The following NCKAP5 variants were observed in gnomAD, a reference collection of about 807,000 sequenced individuals.
NCKAP5 encodes NCK associated protein 5.
A neutral mutation model predicts 167.0 loss-of-function variants in NCKAP5; 92 were observed. That is an observed-to-expected ratio of 0.55 (90% confidence interval 0.47 to 0.66). The LOEUF (loss-of-function observed/expected upper bound fraction) is 0.66. Among genes scored for constraint, NCKAP5 ranks in the 30% least tolerant of loss-of-function variants. NCKAP5 has a pLI of 0.00. For synonymous variants in NCKAP5, 891 were observed against 877.4 expected, an observed-to-expected ratio of 1.02 and a Z score of -0.27; for missense variants, 2,378 against 2,315.0, an observed-to-expected ratio of 1.03 and a Z score of -0.56.
chr2:133,172,206 A>G (rs574751036), intron 5 of NCKAP5, among the ~76,000 whole-genome samples: 7 of 152,240 alleles, frequency 4.6e-5, no homozygotes, highest in African/African-American at 1.7e-4. Context: ...ACAAAAGTAT[A>G]TGTTGATAAT....
chr2:132,981,699 T>C (rs1418785235), intron 7 of NCKAP5, among the ~76,000 whole-genome samples: 1 of 152,176 alleles, frequency 6.6e-6, no homozygotes, highest in African/African-American at 2.4e-5. Context: ...CTCCTTCCCC[T>C]TCGAATACTA....
chr2:132,709,898 T>C (rs1013077127), intron 19 of NCKAP5, among the ~76,000 whole-genome samples: 1 of 152,128 alleles, frequency 6.6e-6, no homozygotes, highest in Non-Finnish European at 1.5e-5. Context: ...ATAATGTCGC[T>C]GACACATTTC....
At chr2:132,950,769 C>T (rs1558980513) in intron 8 of NCKAP5, among the ~76,000 whole-genome samples, 1 of 152,132 alleles carries the variant, frequency 6.6e-6, no homozygotes, top group Non-Finnish European at 1.5e-5. Flanking sequence ...GAGTTACCTC[C>T]CCCAAGCTAC....
intron 3 of NCKAP5, among the ~76,000 whole-genome samples, chr2:133,495,527 C>T (rs751886835): frequency 4.6e-5 from 7 of 152,174 alleles, no homozygotes; most frequent in Non-Finnish European, 7.3e-5. Context: ...TTAGACTCAT[C>T]CAAGATTTGT....
intron 19 of NCKAP5, among the ~76,000 whole-genome samples, chr2:132,720,493 G>C (rs1483665090): frequency 6.6e-6 from 1 of 152,188 alleles, no homozygotes; most frequent in South Asian, 2.1e-4. Context: ...AAAGCAAGTG[G>C]GCCCCCAAAA....
intron 16 of NCKAP5, among the ~76,000 whole-genome samples, chr2:132,762,775 G>T (rs1416541235): frequency 6.6e-6 from 1 of 152,180 alleles, no homozygotes; most frequent in Non-Finnish European, 1.5e-5. Context: ...TTCTTTTAGG[G>T]TCTGGGGGTA....
At chr2:132,826,750 T>C (rs569177416) in intron 11 of NCKAP5, among the ~76,000 whole-genome samples, 1 of 152,204 alleles carries the variant, frequency 6.6e-6, no homozygotes, top group East Asian at 1.9e-4. Context: ...ATCAAGCAGT[T>C]TATAGATAGA....
chr2:133,591,784 A>G, the NCKAP5 span, among the ~76,000 whole-genome samples: 2 of 152,246 alleles, frequency 1.3e-5, no homozygotes. Flanking sequence ...TCACAGAAGC[A>G]GTCCCAGAAA....
intron 10 of NCKAP5, among the ~76,000 whole-genome samples, chr2:132,868,604 G>T (rs889375468): frequency 3.3e-5 from 5 of 152,084 alleles, no homozygotes; most frequent in African/African-American, 1.2e-4. Context: ...TCCAAAAGAA[G>T]ATACTCGTTT....
intron 3 of NCKAP5, among the ~76,000 whole-genome samples, chr2:133,405,081 T>C (rs1309128291): frequency 6.6e-6 from 1 of 152,240 alleles, no homozygotes; most frequent in Non-Finnish European, 1.5e-5. Context: ...ACAGTAGTTA[T>C]GTTTCATAAT....
chr2:133,578,430 A>G, the NCKAP5 span, among the ~76,000 whole-genome samples: 1 of 152,256 alleles, frequency 6.6e-6, no homozygotes, highest in Non-Finnish European at 1.5e-5. Flanking sequence ...CATGCACTGC[A>G]TGGGTCCCTT....
At chr2:133,108,261 T>G (rs1351263017) in intron 6 of NCKAP5, among the ~76,000 whole-genome samples, 1 of 152,182 alleles carries the variant, frequency 6.6e-6, no homozygotes, top group Admixed American at 6.5e-5. Flanking sequence ...GCATTCCAGA[T>G]AAGGACGGAT....
chr2:133,185,465 C>T (rs1417296520), intron 5 of NCKAP5, among the ~76,000 whole-genome samples: 1 of 151,212 alleles, frequency 6.6e-6, no homozygotes, highest in Non-Finnish European at 1.5e-5. Flanking sequence ...GTTCCATATA[C>T]ATTTTAGAAC....
intron 5 of NCKAP5, among the ~76,000 whole-genome samples, chr2:133,176,368 C>T (rs868293377): frequency 6.6e-6 from 1 of 152,196 alleles, no homozygotes; most frequent in Middle Eastern, 3.4e-3. Context: ...TCTCCTTTTT[C>T]CCCTTTTGTT....
chr2:132,888,181 T>A (rs927544352), intron 8 of NCKAP5, among the ~76,000 whole-genome samples: 23 of 152,174 alleles, frequency 1.5e-4, no homozygotes, highest in African/African-American at 5.3e-4. Flanking sequence ...GTTTGATATT[T>A]AGATTCACTT....
At chr2:133,140,903 C>T (rs149622611) in intron 5 of NCKAP5, among the ~76,000 whole-genome samples, 3 of 151,726 alleles carry the variant, frequency 2.0e-5, no homozygotes, top group Admixed American at 1.3e-4. Context: ...CTTCAAAGAG[C>T]ACACTTTCCT....
intron 2 of NCKAP5, among the ~76,000 whole-genome samples, chr2:133,532,080 T>G (rs560049018): frequency 6.6e-6 from 1 of 152,386 alleles, no homozygotes; most frequent in Non-Finnish European, 1.5e-5. Context: ...TTTTAGTTTA[T>G]GTACATATGA....
At chr2:132,687,654 A>G (rs1686120911) in intron 19 of NCKAP5, among the ~76,000 whole-genome samples, 1 of 151,806 alleles carries the variant, frequency 6.6e-6, no homozygotes, top group African/African-American at 2.4e-5. Flanking sequence ...CTCCCACTGG[A>G]AAATGACTAG....
intron 6 of NCKAP5, among the ~76,000 whole-genome samples, chr2:133,069,613 G>T (rs1459456752): frequency 6.6e-6 from 1 of 152,100 alleles, no homozygotes; most frequent in Non-Finnish European, 1.5e-5. Flanking sequence ...TCCTATCATT[G>T]TATCAAATAA....
Sources: gnomAD v4.1 joint callset for allele counts (sites outside exome capture counted in the v4.1 genomes callset) on GRCh38, gnomAD v4.1.1 for gene constraint, MANE v1.5 for transcripts, NCBI Gene and HGNC (gene_info 2026-07-23, HGNC 2026-07-21) for gene names.